The following SPMIP2 variants were observed in gnomAD, a reference collection of about 807,000 sequenced individuals.
SPMIP2 encodes the protein sperm microtubule inner protein 2.
chr4:159,034,097 A>C, the SPMIP2 span, among the ~76,000 whole-genome samples: 3 of 152,258 alleles, frequency 2.0e-5, no homozygotes, highest in Non-Finnish European at 4.4e-5. Context: ...AGATCGTGCC[A>C]TTGCACCCTA....
the SPMIP2 span, among the ~76,000 whole-genome samples, chr4:158,914,783 C>G: frequency 6.6e-6 from 1 of 152,108 alleles, no homozygotes; most frequent in Middle Eastern, 3.2e-3. Flanking sequence ...AGGGGACAAC[C>G]TAGAATTCAA....
the SPMIP2 span, among the ~76,000 whole-genome samples, chr4:159,069,747 A>T: frequency 2.0e-5 from 3 of 151,680 alleles, no homozygotes; most frequent in African/African-American, 7.3e-5. Flanking sequence ...CATGATACAT[A>T]TTTTTTTTTC....
chr4:158,994,406 TTA>T, the SPMIP2 span, among the ~76,000 whole-genome samples: 1 of 152,200 alleles, frequency 6.6e-6, no homozygotes, highest in African/African-American at 2.4e-5. Flanking sequence ...ATTCTGGAAT[TTA>T]TGTTAAGATA....
chr4:159,049,766 G>C, the SPMIP2 span, among the ~76,000 whole-genome samples: 3 of 148,948 alleles, frequency 2.0e-5, no homozygotes, highest in East Asian at 5.9e-4. Flanking sequence ...TTTTATACAA[G>C]GTTAGAATCC....
chr4:158,895,966 G>C, the SPMIP2 span: 30 of 802,356 alleles, frequency 3.7e-5, 1 homozygote, highest in South Asian at 4.4e-4. Context: ...CTCAGGCCCT[G>C]GTAACCCATC....
chr4:159,071,790 G>A, the SPMIP2 span, among the ~76,000 whole-genome samples: 3 of 132,332 alleles, frequency 2.3e-5, no homozygotes, highest in African/African-American at 8.9e-5. Flanking sequence ...GGTGGATGAT[G>A]ATGTCAGAAA....
chr4:158,926,807 T>C, the SPMIP2 span, among the ~76,000 whole-genome samples: 1 of 152,100 alleles, frequency 6.6e-6, no homozygotes, highest in African/African-American at 2.4e-5. Context: ...AAACAATGAA[T>C]ACACATGGAC....
At chr4:159,057,784 TACATGA>T in the SPMIP2 span, among the ~76,000 whole-genome samples, 1 of 145,664 alleles carries the variant, frequency 6.9e-6, no homozygotes, top group Non-Finnish European at 1.5e-5. Context: ...AAATTTTGAG[TACATGA>T]TTATAATTTT....
the SPMIP2 span, among the ~76,000 whole-genome samples, chr4:158,913,174 G>A: frequency 6.6e-6 from 1 of 152,234 alleles, no homozygotes; most frequent in Non-Finnish European, 1.5e-5. Flanking sequence ...TCCTGGATCA[G>A]AATATTACAA....
At chr4:158,901,817 C>T in the SPMIP2 span, among the ~76,000 whole-genome samples, 1 of 151,662 alleles carries the variant, frequency 6.6e-6, no homozygotes. Context: ...AGTTCTCGTG[C>T]TGTGTTTTTC....
chr4:158,964,679 T>C, the SPMIP2 span, among the ~76,000 whole-genome samples: 4 of 152,228 alleles, frequency 2.6e-5, no homozygotes, highest in Non-Finnish European at 4.4e-5. Context: ...TATTAGTCCG[T>C]GTTCACACTG....
At chr4:158,936,156 T>G in the SPMIP2 span, among the ~76,000 whole-genome samples, 1 of 152,200 alleles carries the variant, frequency 6.6e-6, no homozygotes. Context: ...ACCCACACCT[T>G]CTGGAGATTC....
chr4:158,915,190 T>A, the SPMIP2 span: 348 of 1,612,696 alleles, frequency 2.2e-4, no homozygotes, highest in Admixed American at 6.0e-4. Flanking sequence ...TTTGGTAGCT[T>A]CGGCAGCTTA....
chr4:159,041,576 A>T, the SPMIP2 span, among the ~76,000 whole-genome samples: 3 of 152,122 alleles, frequency 2.0e-5, no homozygotes, highest in Non-Finnish European at 4.4e-5. Context: ...CACCACCACA[A>T]CCAAAAAACC....
the SPMIP2 span, among the ~76,000 whole-genome samples, chr4:158,984,709 A>C: frequency 3.9e-5 from 6 of 152,106 alleles, no homozygotes; most frequent in East Asian, 1.9e-4. Context: ...ATCCTAACAT[A>C]ACAATTAAAA....
the SPMIP2 span, chr4:158,960,310 A>C: frequency 1.9e-6 from 3 of 1,564,080 alleles, no homozygotes; most frequent in Non-Finnish European, 2.6e-6. Context: ...TCTGTGGGTT[A>C]TTGAATCAAG....
At chr4:158,893,800 A>C in the SPMIP2 span, 1 of 896,852 alleles carries the variant, frequency 1.1e-6, no homozygotes, top group South Asian at 1.6e-5. Context: ...TCTATAATAC[A>C]TACGTCTTGT....
the SPMIP2 span, among the ~76,000 whole-genome samples, chr4:159,044,368 CAAAAAAA>C: frequency 2.6e-4 from 26 of 100,282 alleles, no homozygotes; most frequent in Middle Eastern, 5.5e-3. Flanking sequence ...GACTCCATCT[CAAAAAAA>C]AAAAAAAAAA....
At chr4:159,068,001 T>G in the SPMIP2 span, among the ~76,000 whole-genome samples, 1 of 152,166 alleles carries the variant, frequency 6.6e-6, no homozygotes. Flanking sequence ...CATTAAAAAG[T>G]CAGGAAACAA....
Sources: allele counts gnomAD v4.1 joint callset (sites outside exome capture counted in the v4.1 genomes callset), GRCh38; gene constraint gnomAD v4.1.1; transcripts MANE v1.5; gene names NCBI Gene and HGNC (gene_info 2026-07-23, HGNC 2026-07-21).